The following PCDHA2 variants were observed in gnomAD, a reference collection of about 807,000 sequenced individuals.
PCDHA2 encodes the protein protocadherin alpha 2, also known as protocadherin alpha-2.
Under a neutral mutation model 66.0 loss-of-function variants are expected in PCDHA2, and 58 were observed. That is an observed-to-expected ratio of 0.88 (90% CI 0.71 to 1.09). The LOEUF is 1.09. Ranked by LOEUF, PCDHA2 falls within the 50% of genes least tolerant of loss-of-function variation. PCDHA2 has a pLI of 0.00. For missense variants in PCDHA2, 1,267 were observed against 1,242.3 expected, an observed-to-expected ratio of 1.02 and a Z score of -0.30; for synonymous variants, 634 against 554.0, an observed-to-expected ratio of 1.14 and a Z score of -2.03.
chr5:140,794,886 G>A lies in PCDHA2; in HGVS notation c.-79G>A. 2.1e-6 allele frequency: 3 copies of A among 1,426,462 alleles called. No individual in the cohort carries two copies. Among genetic ancestry groups the A allele is most frequent in the Non-Finnish European group, 1.9e-6 (2 of 1,050,890 alleles). The allele number at this position is 1,426,462 out of a possible 1,614,324, so 88.4% of individuals were successfully genotyped here. The stretch of plus-strand genomic sequence containing the variant: ...AAGCGGAGGAATAAGAGAAGCAGCA[G>A]GACTTTAACAGAGACTAGAATATTT... On this transcript the variant is annotated 5_prime_UTR_variant, in exon 1 of 4. Coordinates refer to ENST00000526136, the MANE Select transcript of PCDHA2 (RefSeq NM_018905.3).
intron 1 of PCDHA2, chr5:140,929,377 CTGT>C (rs782747382): frequency 6.6e-7 from 1 of 1,514,350 alleles, no homozygotes; most frequent in Non-Finnish European, 8.8e-7. Flanking sequence ...TGGCTGCTAG[CTGT>C]GTTTTGAAAT....
chr5:140,856,580 G>A lies in PCDHA2; in HGVS notation c.2388+59228G>A, dbSNP rs537848812. 23 of 1,597,760 alleles carry A rather than the reference G, an allele frequency of 1.4e-5. 2 individuals carry two copies. In the South Asian group the frequency reaches 2.5e-4, roughly 18 times the overall value. On this transcript the variant is annotated intron_variant, in intron 1 of 3. Coordinates refer to ENST00000526136, the MANE Select transcript of PCDHA2 (RefSeq NM_018905.3). ...CAAACTCAGTCCAAATGAGTATTTT[G>A]TTCTTGATATTATAAACAAAAAAGA...
chr5:140,908,208 C>A (rs1477430085), intron 1 of PCDHA2, among the ~76,000 whole-genome samples: 8 of 152,136 alleles, frequency 5.3e-5, no homozygotes, highest in Non-Finnish European at 1.0e-4. Context: ...TCATGCAGAA[C>A]CATCTGTGAA....
intron 1 of PCDHA2, among the ~76,000 whole-genome samples, chr5:140,970,178 A>T (rs1190328996): frequency 6.6e-6 from 1 of 152,214 alleles, no homozygotes; most frequent in East Asian, 1.9e-4. Context: ...GCATACTCTG[A>T]ATTCATTGTA....
rs185799175 is a variant in PCDHA2, at chr5:140,887,220, C to G, written c.2388+89868C>G. ...CACGCCATTCTCCTGCCTCAGCCTC[C>G]CGAGTAGCTGAGACTACCGGCGCCC... On this transcript the variant is annotated intron_variant, in intron 1 of 3. Coordinates refer to ENST00000526136, the MANE Select transcript of PCDHA2 (RefSeq NM_018905.3). Among the ~76,000 whole-genome samples, 14 of 152,078 alleles carry G rather than the reference C, an allele frequency of 9.2e-5. No individual in the cohort carries two copies. In the East Asian group the frequency reaches 2.7e-3, roughly 30 times the overall value.
At chr5:140,839,838 A>G (rs1257715116) in intron 1 of PCDHA2, among the ~76,000 whole-genome samples, 1 of 152,060 alleles carries the variant, frequency 6.6e-6, no homozygotes, top group Non-Finnish European at 1.5e-5. Flanking sequence ...TGATGAATCC[A>G]TGGAGAATTT....
intron 3 of PCDHA2, among the ~76,000 whole-genome samples, chr5:141,001,133 A>G (rs2097993653): frequency 6.6e-6 from 1 of 152,034 alleles, no homozygotes; most frequent in Non-Finnish European, 1.5e-5. Flanking sequence ...AAACAAATGA[A>G]TCTTCTGTTG....
rs782513302 is a variant in PCDHA2 at position 140,857,057 on chromosome 5, GTGGAACTAC to G, written c.2388+59710_2388+59718del. The stretch of plus-strand genomic sequence containing the variant: ...TATGGTTGGTCACTGCACGGTCCTA[GTGGAACTAC>G]TGGATGAAAATGATAATTCACCTGA... On this transcript the variant is annotated intron_variant, in intron 1 of 3. Coordinates refer to ENST00000526136, the MANE Select transcript of PCDHA2 (RefSeq NM_018905.3). 670 of 1,596,188 alleles carry G rather than the reference GTGGAACTAC, an allele frequency of 4.2e-4. 48 individuals are homozygous for G. The highest frequency in any genetic ancestry group is 2.0e-3 in the Middle Eastern group (12 of 5,996).
chr5:140,862,862 C>T (rs782494104), intron 1 of PCDHA2: 1 of 507,446 alleles, frequency 2.0e-6, no homozygotes, highest in African/African-American at 3.1e-5. Flanking sequence ...AGCAATGTGA[C>T]GCTGCCAGGT....
At chr5:140,966,695 CGGGCGTGGGGCACGGCT>C (rs2096039584) in intron 1 of PCDHA2, 1 of 1,358,374 alleles carries the variant, frequency 7.4e-7, no homozygotes. Flanking sequence ...AGGCGGGGCC[CGGGCGTGGGGCACGGCT>C]GGGGAAGCTG....
chr5:140,943,679 A>C (rs973228943), intron 1 of PCDHA2, among the ~76,000 whole-genome samples: 3 of 152,248 alleles, frequency 2.0e-5, no homozygotes, highest in African/African-American at 7.2e-5. Context: ...TGTGAAAAAA[A>C]GGGATAAGGT....
chr5:140,821,222 T>C (rs1048981208), intron 1 of PCDHA2, among the ~76,000 whole-genome samples: 4 of 152,180 alleles, frequency 2.6e-5, no homozygotes, highest in Non-Finnish European at 5.9e-5. Flanking sequence ...TATGTTTAAA[T>C]AGAGATGAGA....
At chr5:140,984,964 G>A (rs930753325) in intron 3 of PCDHA2, among the ~76,000 whole-genome samples, 1 of 151,936 alleles carries the variant, frequency 6.6e-6, no homozygotes. Context: ...TTGAGACAGA[G>A]TCTCGCTCTG....
chr5:140,966,945 A>C, intron 1 of PCDHA2: 1 of 1,603,804 alleles, frequency 6.2e-7, no homozygotes, highest in Non-Finnish European at 8.5e-7. Context: ...CTCGTGGGCA[A>C]CGTGGCTCGC....
At chr5:140,927,627 T>A (rs145171269) in intron 1 of PCDHA2, 5 of 1,614,062 alleles carry the variant, frequency 3.1e-6, no homozygotes, top group Non-Finnish European at 3.4e-6. Flanking sequence ...TTCCAGAGAC[T>A]GCACCCAATG....
At chr5:140,836,172 G>C (rs2150254671) in intron 1 of PCDHA2, 1 of 1,613,884 alleles carries the variant, frequency 6.2e-7, no homozygotes, top group East Asian at 2.2e-5. Flanking sequence ...GGTACGTGCA[G>C]TTGACGCTGA....
intron 3 of PCDHA2, among the ~76,000 whole-genome samples, chr5:141,000,387 C>G (rs868946328): frequency 1.5e-5 from 1 of 66,898 alleles, no homozygotes. Context: ...CTCTCTCTCT[C>G]TCTCTCTCTA....
intron 1 of PCDHA2, chr5:140,836,516 G>C: frequency 6.2e-7 from 1 of 1,613,880 alleles, no homozygotes; most frequent in Non-Finnish European, 8.5e-7. Flanking sequence ...CCAGTCTGTT[G>C]GTGCTTACCC....
chr5:140,908,456 T>C (rs557022321), intron 1 of PCDHA2, among the ~76,000 whole-genome samples: 2 of 152,174 alleles, frequency 1.3e-5, no homozygotes, highest in South Asian at 4.1e-4. Context: ...GCTAGATGGA[T>C]CAGAAAGCAC....
Sources: gnomAD v4.1 joint callset for allele counts (sites outside exome capture counted in the v4.1 genomes callset) on GRCh38, gnomAD v4.1.1 for gene constraint, MANE v1.5 for transcripts, NCBI Gene and HGNC (gene_info 2026-07-23, HGNC 2026-07-21) for gene names.